AGPAT4: variants seen among roughly 807,000 people sequenced by gnomAD.
AGPAT4 encodes 1-acyl-sn-glycerol-3-phosphate acyltransferase delta.
Under a neutral mutation model 48.0 loss-of-function variants are expected in AGPAT4, and 15 were observed. The observed-to-expected ratio is 0.31, with a 90% CI of 0.21 to 0.48. The LOEUF is 0.48. AGPAT4 is among the 20% of genes least tolerant of loss of function. AGPAT4 has a pLI of 0.99. For missense variants in AGPAT4, 314 were observed against 482.5 expected, an observed-to-expected ratio of 0.65 and a Z score of 3.27; for synonymous variants, 178 against 198.7, an observed-to-expected ratio of 0.90 and a Z score of 0.88.
In AGPAT4 at chr6:161,232,408, G is replaced by C; in HGVS notation, c.-89-106C>G. ...AATATACACTTGAGGTTAAACTCAT[G>C]TGCGTTAGTTGATTTATCTTTATTT... On this transcript the variant is annotated intron_variant, in intron 1 of 8. Coordinates refer to ENST00000320285, the MANE Select transcript of AGPAT4 (RefSeq NM_020133.3). This position sits in a 1 kb window ranked among gnomAD's most constrained non-coding sequence, Gnocchi z 6.8. The C allele has an allele frequency of 3.6e-6, 2 of 558,304 alleles. No individual in the cohort carries two copies. Among genetic ancestry groups the C allele is most frequent in the South Asian group, 4.8e-5 (2 of 41,450 alleles). 34.6% of individuals were successfully genotyped at this position (558,304 alleles called of 1,614,324 possible).
Position 161,223,853 on chromosome 6 carries a change from CA to C in AGPAT4, c.178+8182del, listed in dbSNP as rs966229272. ...CCATCACTTCCTGTGTGACCCTGGGCAAGTCACTTAAACTCTCTGTGCCTAA... is the reference window on the plus strand; with the variant it reads ...CCATCACTTCCTGTGTGACCCTGGGCAGTCACTTAAACTCTCTGTGCCTAA... On this transcript the variant is annotated intron_variant, in intron 2 of 8. Coordinates refer to ENST00000320285, the MANE Select transcript of AGPAT4 (RefSeq NM_020133.3). The surrounding 1 kb of genome is among the most constrained non-coding windows in gnomAD (Gnocchi z 6.3). 5.9e-5 allele frequency among the ~76,000 whole-genome samples: 9 copies of C among 152,158 alleles called. No homozygotes were observed. The highest frequency in any genetic ancestry group is 4.1e-4 in the South Asian group (2 of 4,830).
Position 161,259,710 on chromosome 6 carries a change from A to T in AGPAT4, c.-90+14228T>A, listed in dbSNP as rs943791682. ...CCGCACAGTTCACATGCCCAGGAGG[A>T]CTCTCTGGCTGAGTGGCACCTTGAG... On this transcript the variant is annotated intron_variant, in intron 1 of 8. Coordinates refer to ENST00000320285, the MANE Select transcript of AGPAT4 (RefSeq NM_020133.3). This position sits in a 1 kb window ranked among gnomAD's most constrained non-coding sequence, Gnocchi z 4.9. Among the ~76,000 whole-genome samples, 1 of 151,840 alleles carries T rather than the reference A, an allele frequency of 6.6e-6. No individual in the cohort carries two copies. The highest frequency in any genetic ancestry group is 2.4e-5 in the African/African-American group (1 of 41,350).
In AGPAT4 at chr6:161,149,180, G is replaced by A. The variant is rs752150830; in HGVS notation, c.767+7C>T. ...GTCTTTTCTGGAAAGGAAACAGTTC[G>A]ACTTACCTAACATACAAATCTGCAT... On this transcript the variant is annotated splice_region_variant and intron_variant, in intron 6 of 8. Coordinates refer to ENST00000320285, the MANE Select transcript of AGPAT4 (RefSeq NM_020133.3). This position sits in a 1 kb window ranked among gnomAD's most constrained non-coding sequence, Gnocchi z 6.5. 2.5e-5 allele frequency: 41 copies of A among 1,610,790 alleles called. No homozygotes were observed. The highest frequency in any genetic ancestry group is 1.3e-4 in the East Asian group (6 of 44,880).
In AGPAT4 at chr6:161,223,327, T is replaced by A. The variant is rs1298308114; in HGVS notation, c.178+8709A>T. Among the ~76,000 whole-genome samples the A allele has an allele frequency of 6.6e-6, 1 of 152,200 alleles. No homozygotes were observed. Among genetic ancestry groups the A allele is most frequent in the Non-Finnish European group, 1.5e-5 (1 of 68,032 alleles). ...TGCACAGGTTTGATCCTAGCAGATGTTTGCTTAACATCATCCTTGGGTGTT... is the reference window on the plus strand; with the variant it reads ...TGCACAGGTTTGATCCTAGCAGATGATTGCTTAACATCATCCTTGGGTGTT... On this transcript the variant is annotated intron_variant, in intron 2 of 8. Coordinates refer to ENST00000320285, the MANE Select transcript of AGPAT4 (RefSeq NM_020133.3). This position sits in a 1 kb window ranked among gnomAD's most constrained non-coding sequence, Gnocchi z 6.3.
rs1475255823 is a variant in AGPAT4 at position 161,165,498 on chromosome 6, A to C, written c.348+750T>G. 2 of 954,738 alleles carry C rather than the reference A, an allele frequency of 2.1e-6. No homozygotes were observed. The highest frequency in any genetic ancestry group is 2.7e-6 in the Non-Finnish European group (2 of 736,570). The allele number at this position is 954,738 out of a possible 1,614,324, so 59.1% of individuals were successfully genotyped here. ...TCCCAGGTGCAAAACCTGATCTCTA[A>C]GTTCTGGTGCAAACTCTTAGGACCT... On this transcript the variant is annotated intron_variant, in intron 3 of 8. Transcript: ENST00000320285. The surrounding 1 kb of genome is among the most constrained non-coding windows in gnomAD (Gnocchi z 5.5).
chr6:161,152,792 T>G (rs934979910), intron 5 of AGPAT4, among the ~76,000 whole-genome samples: 1 of 152,006 alleles, frequency 6.6e-6, no homozygotes, highest in African/African-American at 2.4e-5. Flanking sequence ...TGTGAGGGCG[T>G]GGGGAGGCCA....
Position 161,140,362 on chromosome 6 carries a change from T to C in AGPAT4, c.844-742A>G, listed in dbSNP as rs1779210637. Among the ~76,000 whole-genome samples the C allele has an allele frequency of 6.6e-6, 1 of 152,158 alleles. No individual in the cohort carries two copies. The highest frequency in any genetic ancestry group is 6.5e-5 in the Admixed American group (1 of 15,288). ...GTCCTTCCACTAAGCAGATCCTTAGTGGGAACCATGTACTCATCCACATCC... is the reference window on the plus strand; with the variant it reads ...GTCCTTCCACTAAGCAGATCCTTAGCGGGAACCATGTACTCATCCACATCC... On this transcript the variant is annotated intron_variant, in intron 7 of 8. Transcript: ENST00000320285. The surrounding 1 kb of genome is among the most constrained non-coding windows in gnomAD (Gnocchi z 6.5).
rs971925785 is a variant in AGPAT4, at chr6:161,218,166, T to G, written c.178+13870A>C. On this transcript the variant is annotated intron_variant, in intron 2 of 8. Coordinates refer to ENST00000320285, the MANE Select transcript of AGPAT4 (RefSeq NM_020133.3). This position sits in a 1 kb window ranked among gnomAD's most constrained non-coding sequence, Gnocchi z 4.7. ...AGATGACTGTAGCTCTCTACCCCCG[T>G]CCACAGTGACGGTGCCAATGGTGCT... 6.6e-6 allele frequency among the ~76,000 whole-genome samples: 1 copy of G among 152,152 alleles called. No homozygotes were observed. The highest frequency in any genetic ancestry group is 1.9e-4 in the East Asian group (1 of 5,192).
At chr6:161,176,877 A>C (rs1001985635) in intron 2 of AGPAT4, among the ~76,000 whole-genome samples, 29 of 152,168 alleles carry the variant, frequency 1.9e-4, no homozygotes, top group Non-Finnish European at 3.7e-4. Context: ...TCTGTAAAGG[A>C]TTTTATTTCT....
Position 161,161,030 on chromosome 6 carries a change from GA to G in AGPAT4, c.348+5217del. ...CCCTAAGCACAGAGCACGAAAGGGG[GA>G]CAGTTCATGGGATGATACCAAGTCG... On this transcript the variant is annotated intron_variant, in intron 3 of 8. Transcript: ENST00000320285. The surrounding 1 kb of genome is among the most constrained non-coding windows in gnomAD (Gnocchi z 4.6). 3 of 456,738 alleles carry G rather than the reference GA, an allele frequency of 6.6e-6. No individual in the cohort carries two copies. The highest frequency in any genetic ancestry group is 4.6e-5 in the South Asian group (3 of 64,562). The allele number at this position is 456,738 out of a possible 1,614,324, so 28.3% of individuals were successfully genotyped here.
rs1221645043 is a variant in AGPAT4, at chr6:161,221,615, A to AT, written c.178+10420_178+10421insA. Among the ~76,000 whole-genome samples the AT allele has an allele frequency of 2.0e-5, 3 of 152,192 alleles. No individual in the cohort carries two copies. The highest frequency in any genetic ancestry group is 4.4e-5 in the Non-Finnish European group (3 of 68,034). On this transcript the variant is annotated intron_variant, in intron 2 of 8. Coordinates refer to ENST00000320285, the MANE Select transcript of AGPAT4 (RefSeq NM_020133.3). This position sits in a 1 kb window ranked among gnomAD's most constrained non-coding sequence, Gnocchi z 4.5. Reference sequence around the variant, plus strand: ...ACTGGATTCATTTCCTGGGGCTGCCAAAGGACCACAGACTGGGGAACTGAA... The same window carrying AT: ...ACTGGATTCATTTCCTGGGGCTGCCATAAGGACCACAGACTGGGGAACTGAA...
rs762630531 is a variant in AGPAT4 at position 161,267,563 on chromosome 6, C to G, written c.-90+6375G>C. On this transcript the variant is annotated intron_variant, in intron 1 of 8. Coordinates refer to ENST00000320285, the MANE Select transcript of AGPAT4 (RefSeq NM_020133.3). This position sits in a 1 kb window ranked among gnomAD's most constrained non-coding sequence, Gnocchi z 5.2. Reference sequence around the variant, plus strand: ...ACCCTGTCTCTACTAAAAATACACACGCAAAAAAATTAGCCAGGTGTGGTG... The same window carrying G: ...ACCCTGTCTCTACTAAAAATACACAGGCAAAAAAATTAGCCAGGTGTGGTG... Among the ~76,000 whole-genome samples the G allele has an allele frequency of 6.6e-6, 1 of 151,730 alleles. No homozygotes were observed. The highest frequency in any genetic ancestry group is 1.5e-5 in the Non-Finnish European group (1 of 67,924).
At chr6:161,175,605 T>G (rs1780406799) in intron 2 of AGPAT4, among the ~76,000 whole-genome samples, 2 of 152,208 alleles carry the variant, frequency 1.3e-5, no homozygotes, top group South Asian at 4.1e-4. Flanking sequence ...ATTCATTGAT[T>G]TTTTTAAGGG....
In AGPAT4 at chr6:161,137,007, G is replaced by A. The variant is rs1417265986; in HGVS notation, c.1043-373C>T. ...AGGAAGTTAACAGGGCATGTTCAGC[G>A]AAGTTTTATAAAGAACAGACCAGGA... On this transcript the variant is annotated intron_variant, in intron 8 of 8. Coordinates refer to ENST00000320285, the MANE Select transcript of AGPAT4 (RefSeq NM_020133.3). This position sits in a 1 kb window ranked among gnomAD's most constrained non-coding sequence, Gnocchi z 6.1. Among the ~76,000 whole-genome samples, 2 of 152,196 alleles carry A rather than the reference G, an allele frequency of 1.3e-5. No individual in the cohort carries two copies. Among genetic ancestry groups the A allele is most frequent in the African/African-American group, 2.4e-5 (1 of 41,438 alleles).
At chr6:161,241,263 CAAAAAAAAA>C (rs61634719) in intron 1 of AGPAT4, among the ~76,000 whole-genome samples, 2 of 90,502 alleles carry the variant, frequency 2.2e-5, no homozygotes, top group South Asian at 7.7e-4. Context: ...AACTCTGTCT[CAAAAAAAAA>C]AAAAAAAAAA....
intron 1 of AGPAT4, among the ~76,000 whole-genome samples, chr6:161,260,622 C>G (rs903564860): frequency 2.1e-5 from 3 of 142,912 alleles, no homozygotes; most frequent in Admixed American, 7.2e-5. Flanking sequence ...TGCCACCGCA[C>G]TCCAGCCTGG....
Position 161,135,300 on chromosome 6 carries a change from C to T in AGPAT4, c.*1240G>A, listed in dbSNP as rs1417166904. 6.6e-6 allele frequency: 1 copy of T among 152,230 alleles called. No homozygotes were observed. Among genetic ancestry groups the T allele is most frequent in the Non-Finnish European group, 1.5e-5 (1 of 68,040 alleles). The allele number at this position is 152,230 out of a possible 1,614,324, so 9.4% of individuals were successfully genotyped here. A position where few individuals can be genotyped will look rare whatever the true frequency, so the allele number is the denominator to read the frequency against. On this transcript the variant is annotated 3_prime_UTR_variant, in exon 9 of 9. Transcript: ENST00000320285. Reference sequence around the variant, plus strand: ...TCCAAATACCTATCGGTCCAAGTGCCATTGGTGTCTTGGCCTAAGATGATT... The same window carrying T: ...TCCAAATACCTATCGGTCCAAGTGCTATTGGTGTCTTGGCCTAAGATGATT...
rs1781116584 is a variant in AGPAT4 at position 161,197,957 on chromosome 6, G to A, written c.179-31540C>T. Among the ~76,000 whole-genome samples, 1 of 152,128 alleles carries A rather than the reference G, an allele frequency of 6.6e-6. No individual in the cohort carries two copies. Among genetic ancestry groups the A allele is most frequent in the Non-Finnish European group, 1.5e-5 (1 of 68,026 alleles). On this transcript the variant is annotated intron_variant, in intron 2 of 8. Coordinates refer to ENST00000320285, the MANE Select transcript of AGPAT4 (RefSeq NM_020133.3). The surrounding 1 kb of genome is among the most constrained non-coding windows in gnomAD (Gnocchi z 5.7). ...GACAATTCGGGCTGGCAACTTGTTGGTTCTATTTTAATAAGTTCCCTTTTT... is the reference window on the plus strand; with the variant it reads ...GACAATTCGGGCTGGCAACTTGTTGATTCTATTTTAATAAGTTCCCTTTTT...
In AGPAT4 at chr6:161,154,189, G is replaced by C. The variant is rs763730803; in HGVS notation, c.470C>G (p.Thr157Ser). The change falls in exon 4 of 9, where the codon ACC becomes AGC. Residue 157 changes from threonine to serine, a missense_variant. Transcript: ENST00000320285. The surrounding 1 kb of genome is among the most constrained non-coding windows in gnomAD (Gnocchi z 7.8). ...GTAGTCCCGGAGGTGCTGCAAACTG[G>C]TGGCAACCGTCTTGCGATCCTGCTC... ...KWEQDRKTVATSLQHLRDYPE... is the reference protein window; with the variant it reads ...KWEQDRKTVASSLQHLRDYPE... The C allele has an allele frequency of 8.7e-6, 14 of 1,614,102 alleles. No homozygotes were observed. Among genetic ancestry groups the C allele is most frequent in the Non-Finnish European group, 1.1e-5 (13 of 1,180,012 alleles).
Sources: gnomAD v4.1 joint callset for allele counts (sites outside exome capture counted in the v4.1 genomes callset) on GRCh38, gnomAD v4.1.1 for gene constraint, Gnocchi (gnomAD v3.1) non-coding constraint, MANE v1.5 for transcripts, NCBI Gene and HGNC (gene_info 2026-07-23, HGNC 2026-07-21) for gene names.